Variants in MS4A4A observed in about 807,000 individuals in gnomAD.
The protein encoded by MS4A4A is membrane-spanning 4-domains subfamily A member 4A.
In MS4A4A, 26 loss-of-function variants were observed where a neutral mutation model predicts 28.0. That is an observed-to-expected ratio of 0.93 (90% CI 0.68 to 1.29). MS4A4A has a LOEUF of 1.29. Ranked by LOEUF, MS4A4A falls within the 50% of genes most tolerant of loss-of-function variation. MS4A4A has a pLI of 0.00. For missense variants in MS4A4A, 290 were observed against 293.1 expected (o/e 0.99, Z 0.08); for synonymous variants, 86 against 100.8 (o/e 0.85, Z 0.88).
At chr11:60,281,959 C>T (rs2084758409) in intron 1 of MS4A4A, among the ~76,000 whole-genome samples, 1 of 152,066 alleles carries the variant, frequency 6.6e-6, no homozygotes, top group Admixed American at 6.6e-5. Context: ...GAAGTCAAGC[C>T]CTGGATGGTA....
chr11:60,299,305 T>C (rs1435331517), intron 3 of MS4A4A, among the ~76,000 whole-genome samples: 1 of 152,188 alleles, frequency 6.6e-6, no homozygotes, highest in Admixed American at 6.5e-5. Context: ...TTTTGGTAAA[T>C]ATACCCAGAA....
At chr11:60,298,934 A>G (rs949193636) in intron 3 of MS4A4A, among the ~76,000 whole-genome samples, 2 of 152,186 alleles carry the variant, frequency 1.3e-5, no homozygotes, top group South Asian at 2.1e-4. Flanking sequence ...TTCATACAGT[A>G]TAAGTACCAA....
intron 1 of MS4A4A, among the ~76,000 whole-genome samples, chr11:60,291,607 G>A (rs1186174903): frequency 6.6e-6 from 1 of 151,950 alleles, no homozygotes; most frequent in African/African-American, 2.4e-5. Flanking sequence ...AGACCATACT[G>A]GCCAACATGG....
At chr11:60,300,642 A>AC (rs2135028627) in intron 3 of MS4A4A, among the ~76,000 whole-genome samples, 1 of 151,652 alleles carries the variant, frequency 6.6e-6, no homozygotes, top group East Asian at 1.9e-4. Flanking sequence ...AAAAAAAAAA[A>AC]ATTCTAAATG....
intron 2 of MS4A4A, among the ~76,000 whole-genome samples, chr11:60,295,825 C>A (rs994447252): frequency 6.6e-6 from 1 of 152,028 alleles, no homozygotes; most frequent in Non-Finnish European, 1.5e-5. Flanking sequence ...GTCTTGCATA[C>A]CTGGGATAAA....
At position 60,280,836 on chromosome 11, in the gene MS4A4A, T is replaced by C. The variant is rs2084749414; in HGVS notation, c.41+120T>C. On this transcript the variant is annotated intron_variant, in intron 1 of 6. Transcript: ENST00000337908. Reference sequence around the variant, plus strand: ...TGAGGCCACTTCCCATGACCCAAGCTGGTATTCAGGGTTGGGGTGGGTTGA... The same window carrying C: ...TGAGGCCACTTCCCATGACCCAAGCCGGTATTCAGGGTTGGGGTGGGTTGA... 8.3e-6 allele frequency: 10 copies of C among 1,211,850 alleles called. No homozygotes were observed. The South Asian group carries it at 9.8e-5, about 12-fold the overall frequency. The allele number at this position is 1,211,850 out of a possible 1,614,324, so 75.1% of individuals were successfully genotyped here.
At chr11:60,296,087 C>T (rs1277150096) in intron 2 of MS4A4A, among the ~76,000 whole-genome samples, 1 of 151,908 alleles carries the variant, frequency 6.6e-6, no homozygotes, top group East Asian at 1.9e-4. Context: ...GTAGAATTCA[C>T]CACTGAGTCC....
At chr11:60,282,645 A>C (rs1299771520) in intron 1 of MS4A4A, 2 of 1,286,466 alleles carry the variant, frequency 1.6e-6, no homozygotes, top group Non-Finnish European at 2.0e-6. Flanking sequence ...ATATATGCAG[A>C]TGTCTCAATA....
At chr11:60,300,556 C>A (rs2084943237) in intron 3 of MS4A4A, among the ~76,000 whole-genome samples, 1 of 138,720 alleles carries the variant, frequency 7.2e-6, no homozygotes. Flanking sequence ...GCGGAGCTTG[C>A]AGTGAGCCGA....
At chr11:60,300,980 C>T (rs1405217713) in intron 3 of MS4A4A, 21 bp from the exon 4 acceptor site, 3 of 1,577,518 alleles carry the variant, frequency 1.9e-6, no homozygotes, top group South Asian at 1.2e-5. Flanking sequence ...TTTTTACCTT[C>T]ATTTTTTCTC....
chr11:60,294,510 G>A (rs745469226), intron 2 of MS4A4A, among the ~76,000 whole-genome samples: 3 of 152,018 alleles, frequency 2.0e-5, no homozygotes, highest in Admixed American at 6.6e-5. Context: ...CTTTGGTATC[G>A]TATTGACAAA....
At chr11:60,289,992 A>C (rs1451114506) in intron 1 of MS4A4A, 1 of 316,384 alleles carries the variant, frequency 3.2e-6, no homozygotes, top group Non-Finnish European at 6.8e-6. Context: ...TATACTCTTT[A>C]CATATTCTAT....
intron 3 of MS4A4A, among the ~76,000 whole-genome samples, chr11:60,298,845 C>A (rs1390197411): frequency 1.3e-5 from 2 of 152,188 alleles, no homozygotes; most frequent in African/African-American, 4.8e-5. Flanking sequence ...AATTGGTGAA[C>A]TCTTTTCTGC....
At chr11:60,301,330 C>A (rs372861848) in intron 4 of MS4A4A, among the ~76,000 whole-genome samples, 1 of 151,962 alleles carries the variant, frequency 6.6e-6, no homozygotes, top group African/African-American at 2.4e-5. Flanking sequence ...CAAGTGGGAC[C>A]GCTCCAACAA....
chr11:60,290,909 AT>A (rs879368913), intron 1 of MS4A4A, among the ~76,000 whole-genome samples: 2 of 151,620 alleles, frequency 1.3e-5, no homozygotes, highest in Middle Eastern at 6.8e-3. Context: ...GAGTACAACA[AT>A]TTTTTTTTCA....
chr11:60,303,961 G>C (rs1273709957), intron 5 of MS4A4A, among the ~76,000 whole-genome samples: 1 of 151,986 alleles, frequency 6.6e-6, no homozygotes, highest in Admixed American at 6.6e-5. Context: ...AACCCCTTGA[G>C]GTGTCTTTGC....
intron 1 of MS4A4A, among the ~76,000 whole-genome samples, chr11:60,285,816 C>T (rs2084798715): frequency 6.6e-6 from 1 of 152,160 alleles, no homozygotes; most frequent in Non-Finnish European, 1.5e-5. Flanking sequence ...ATTAGAATTA[C>T]TAATGAGGTT....
rs147031052 is a variant in MS4A4A at position 60,284,273 on chromosome 11, G to A, written c.41+3557G>A. 3.7e-4 allele frequency among the ~76,000 whole-genome samples: 57 copies of A among 152,272 alleles called. 1 individual carries two copies. In the East Asian group the frequency reaches 0.01, roughly 27 times the overall value. On this transcript the variant is annotated intron_variant, in intron 1 of 6. Transcript: ENST00000337908. ...ACATATAAAACATTTAAACCAGTGC[G>A]TGTCACTTAATAAATGCTAAATACA...
At chr11:60,301,283 C>T (rs939775773) in intron 4 of MS4A4A, among the ~76,000 whole-genome samples, 15 of 152,188 alleles carry the variant, frequency 9.9e-5, no homozygotes, top group African/African-American at 3.6e-4. Flanking sequence ...TGGAGGGAAT[C>T]TTTTTGAAGA....
Sources: allele counts gnomAD v4.1 joint callset (sites outside exome capture counted in the v4.1 genomes callset), GRCh38; gene constraint gnomAD v4.1.1; transcripts MANE v1.5; gene names NCBI Gene and HGNC (gene_info 2026-07-23, HGNC 2026-07-21).